LARGE1: variants seen among roughly 807,000 people sequenced by gnomAD.
The protein encoded by LARGE1 is LARGE xylosyl- and glucuronyltransferase 1, also known as xylosyl- and glucuronyltransferase LARGE1.
Under a neutral mutation model 87.6 loss-of-function variants are expected in LARGE1, and 43 were observed. That is an observed-to-expected ratio of 0.49 (90% CI 0.38 to 0.63). The LOEUF is 0.63. Ranked by LOEUF, LARGE1 falls within the 30% of genes least tolerant of loss-of-function variation. The pLI is 0.00. For synonymous variants in LARGE1, 434 were observed against 394.6 expected, an observed-to-expected ratio of 1.10 and a Z score of -1.18; for missense variants, 802 against 1,000.2, an observed-to-expected ratio of 0.80 and a Z score of 2.67.
chr22:33,369,676 C>T (rs985612638), intron 9 of LARGE1, among the ~76,000 whole-genome samples: 2 of 152,162 alleles, frequency 1.3e-5, no homozygotes, highest in African/African-American at 4.8e-5. Flanking sequence ...TCAAGCAATT[C>T]GCCTGCCTCA....
intron 6 of LARGE1, among the ~76,000 whole-genome samples, chr22:33,462,770 G>T (rs533769688): frequency 6.6e-6 from 1 of 152,220 alleles, no homozygotes; most frequent in East Asian, 1.9e-4. Context: ...GACAGAGCAA[G>T]ACTCTGTCTC....
intron 1 of LARGE1, among the ~76,000 whole-genome samples, chr22:33,864,075 C>T (rs1208163044): frequency 6.6e-6 from 1 of 152,160 alleles, no homozygotes; most frequent in East Asian, 1.9e-4. Flanking sequence ...TCTTCCATTG[C>T]CTGGCAATGG....
At chr22:33,249,852 A>G (rs1926935424) in intron 11 of LARGE1, among the ~76,000 whole-genome samples, 1 of 152,180 alleles carries the variant, frequency 6.6e-6, no homozygotes, top group African/African-American at 2.4e-5. Flanking sequence ...GACTATATTT[A>G]TGTGGGTTTA....
intron 2 of LARGE1, among the ~76,000 whole-genome samples, chr22:33,724,551 G>A (rs1245756052): frequency 6.6e-6 from 1 of 152,172 alleles, no homozygotes; most frequent in African/African-American, 2.4e-5. Context: ...AGATAGAGAA[G>A]GGAAGAGTTG....
intron 4 of LARGE1, among the ~76,000 whole-genome samples, chr22:33,613,553 C>T (rs909162757): frequency 2.0e-5 from 3 of 152,148 alleles, no homozygotes; most frequent in African/African-American, 4.8e-5. Context: ...AGTGCAATGG[C>T]GCGATCTTGG....
intron 1 of LARGE1, among the ~76,000 whole-genome samples, chr22:33,899,898 G>A (rs2065240462): frequency 6.6e-6 from 1 of 152,208 alleles, no homozygotes; most frequent in Non-Finnish European, 1.5e-5. Flanking sequence ...GTAAGTAAAT[G>A]CAAGTAAAAG....
intron 2 of LARGE1, among the ~76,000 whole-genome samples, chr22:33,659,437 G>A (rs2149221183): frequency 6.6e-6 from 1 of 152,198 alleles, no homozygotes; most frequent in East Asian, 1.9e-4. Flanking sequence ...ATGTCCACAG[G>A]AGAGCTGAGT....
At chr22:33,684,410 C>T (rs1167211446) in intron 2 of LARGE1, among the ~76,000 whole-genome samples, 1 of 152,026 alleles carries the variant, frequency 6.6e-6, no homozygotes, top group Non-Finnish European at 1.5e-5. Context: ...CTTCCACAGG[C>T]CCTGATCTGC....
chr22:33,265,394 T>C (rs575675296), intron 11 of LARGE1, among the ~76,000 whole-genome samples: 1 of 152,316 alleles, frequency 6.6e-6, no homozygotes, highest in East Asian at 1.9e-4. Flanking sequence ...TATTCAGAGC[T>C]GAATCCAAGC....
At chr22:33,573,401 T>G (rs774823578) in intron 5 of LARGE1, among the ~76,000 whole-genome samples, 14 of 152,134 alleles carry the variant, frequency 9.2e-5, no homozygotes, top group Non-Finnish European at 1.8e-4. Flanking sequence ...ATCGAGCCAC[T>G]GCACTCCAGC....
At chr22:33,726,500 T>A (rs1251505559) in intron 2 of LARGE1, among the ~76,000 whole-genome samples, 3 of 152,206 alleles carry the variant, frequency 2.0e-5, no homozygotes, top group Non-Finnish European at 4.4e-5. Flanking sequence ...CGTGGCAATA[T>A]TCACCGTACA....
intron 1 of LARGE1, among the ~76,000 whole-genome samples, chr22:33,803,408 T>C (rs1601654110): frequency 6.6e-6 from 1 of 152,202 alleles, no homozygotes; most frequent in South Asian, 2.1e-4. Flanking sequence ...ATGTTGTACA[T>C]AGCTGGAATC....
chr22:33,592,475 A>G lies in LARGE1; in HGVS notation c.615+11960T>C, dbSNP rs148005748. Reference sequence around the variant, plus strand: ...CCCTTTTTTCCAGGATAATCAAAGTAAAGAGTTAAAAGATACCACCTAAGT... The same window carrying G: ...CCCTTTTTTCCAGGATAATCAAAGTGAAGAGTTAAAAGATACCACCTAAGT... On this transcript the variant is annotated intron_variant, in intron 5 of 14. Transcript: ENST00000397394. 2.4e-3 allele frequency among the ~76,000 whole-genome samples: 370 copies of G among 152,312 alleles called. 1 individual carries two copies. Among genetic ancestry groups the G allele is most frequent in the Non-Finnish European group, 4.3e-3 (294 of 68,034 alleles).
chr22:33,718,222 C>T (rs910030124), intron 2 of LARGE1, among the ~76,000 whole-genome samples: 1 of 152,204 alleles, frequency 6.6e-6, no homozygotes, highest in Non-Finnish European at 1.5e-5. Context: ...TACCAACAGG[C>T]TGACCAAAGA....
intron 12 of LARGE1, among the ~76,000 whole-genome samples, chr22:33,293,374 G>A (rs538935324): frequency 6.6e-6 from 1 of 152,264 alleles, no homozygotes; most frequent in Admixed American, 6.5e-5. Flanking sequence ...TAATGATAAA[G>A]ATATTAAAGT....
chr22:33,067,609 C>T, the LARGE1 span, among the ~76,000 whole-genome samples: 2 of 152,166 alleles, frequency 1.3e-5, no homozygotes, highest in African/African-American at 4.8e-5. Flanking sequence ...GTCACACACT[C>T]TAAGAGTGCC....
intron 2 of LARGE1, among the ~76,000 whole-genome samples, chr22:33,722,560 C>A (rs942918109): frequency 6.6e-6 from 1 of 152,098 alleles, no homozygotes; most frequent in Non-Finnish European, 1.5e-5. Context: ...TGGAACCGAG[C>A]TGCACATTAT....
At chr22:33,661,294 C>T (rs182980232) in intron 2 of LARGE1, among the ~76,000 whole-genome samples, 275 of 150,862 alleles carry the variant, frequency 1.8e-3, no homozygotes, top group African/African-American at 1.3e-3. Context: ...TGGCTCACTG[C>T]GACCTCCACC....
chr22:33,399,945 G>C (rs1175308978), intron 7 of LARGE1, among the ~76,000 whole-genome samples: 1 of 152,178 alleles, frequency 6.6e-6, no homozygotes, highest in Non-Finnish European at 1.5e-5. Flanking sequence ...CAGATTTTCA[G>C]CTAATCACTA....
Sources: gnomAD v4.1 joint callset for allele counts (sites outside exome capture counted in the v4.1 genomes callset) on GRCh38, gnomAD v4.1.1 for gene constraint, MANE v1.5 for transcripts, NCBI Gene and HGNC (gene_info 2026-07-23, HGNC 2026-07-21) for gene names.